The following EDA variants were observed in gnomAD, a reference collection of about 807,000 sequenced individuals.
EDA encodes the protein ectodysplasin A, also known as ectodysplasin-A.
EDA carries 2 observed loss-of-function variants against 23.6 expected under a neutral mutation model. The ratio of observed to expected loss-of-function variants is 0.08; its 90% CI spans 0.03 to 0.27. EDA has a LOEUF of 0.27. Ranked by LOEUF, EDA falls within the 10% of genes least tolerant of loss-of-function variation. The pLI is 1.00. For missense variants in EDA, 229 were observed against 324.2 expected, an observed-to-expected ratio of 0.71 and a Z score of 2.26; for synonymous variants, 131 against 132.0, an observed-to-expected ratio of 0.99 and a Z score of 0.05.
chrX:69,914,807 G>C (rs1410944657), intron 1 of EDA, among the ~76,000 whole-genome samples: 1 of 111,736 alleles, frequency 8.9e-6, no homozygotes, highest in East Asian at 2.8e-4. Context: ...TGATTCTTTT[G>C]TCTCTCCTCA....
chrX:69,803,865 A>G (rs182861604), intron 1 of EDA, among the ~76,000 whole-genome samples: 2 of 109,171 alleles, frequency 1.8e-5, no homozygotes, highest in East Asian at 5.9e-4. Flanking sequence ...TTCCACTTTT[A>G]TGAGATCAAC....
intron 1 of EDA, among the ~76,000 whole-genome samples, chrX:69,913,063 C>T (rs760339125): frequency 4.5e-5 from 5 of 111,774 alleles, no homozygotes; most frequent in Admixed American, 1.9e-4. Flanking sequence ...CCACCACACC[C>T]GGTGAAGATT....
intron 1 of EDA, among the ~76,000 whole-genome samples, chrX:69,899,634 A>G (rs1321904022): frequency 3.6e-5 from 4 of 110,817 alleles, no homozygotes; most frequent in Non-Finnish European, 7.6e-5. Flanking sequence ...TAATTTCTTA[A>G]CTGTTCCTAC....
In EDA at chrX:70,016,267, C is replaced by T. The variant is rs1471117835; in HGVS notation, c.503-6951C>T. Among the ~76,000 whole-genome samples the T allele has an allele frequency of 7.2e-5, 8 of 110,615 alleles. No individual in the cohort carries two copies. The South Asian group carries it at 1.2e-3, about 16-fold the overall frequency. ...AGACCTACAGAGAGACTTAGATAAC[C>T]GTACAGTAATAGTGGGAGACTTCAA... On this transcript the variant is annotated intron_variant, in intron 2 of 7. Coordinates refer to ENST00000374552, the MANE Select transcript of EDA (RefSeq NM_001399.5).
chrX:69,644,381 A>G (rs1323973855), intron 1 of EDA, among the ~76,000 whole-genome samples: 1 of 110,905 alleles, frequency 9.0e-6, no homozygotes, highest in Non-Finnish European at 1.9e-5. Context: ...GTGAATGGGA[A>G]TTAATTCATG....
rs1300127145 is a variant in EDA at position 69,822,956 on chromosome X, T to C, written c.397-134071T>C. ...GTGAGAATATGCGGTGTTTTGTTTT[T>C]TGTTCTTGTGATAGTTTACTGAGAA... On this transcript the variant is annotated intron_variant, in intron 1 of 7. Transcript: ENST00000374552. 7.1e-5 allele frequency among the ~76,000 whole-genome samples: 7 copies of C among 98,298 alleles called. No individual in the cohort carries two copies. In the Admixed American group the frequency reaches 7.9e-4, roughly 11 times the overall value. The allele number at this position is 98,298 out of a possible 115,157, so 85.4% of individuals were successfully genotyped here. A position where few individuals can be genotyped will look rare whatever the true frequency, so the allele number is the denominator to read the frequency against.
chrX:69,626,228 G>A (rs1227129708), intron 1 of EDA, among the ~76,000 whole-genome samples: 1 of 111,637 alleles, frequency 9.0e-6, no homozygotes, highest in East Asian at 2.8e-4. Flanking sequence ...TGATTCAGCT[G>A]TTTTGTAAAA....
At chrX:70,020,764 A>C (rs182950483) in intron 2 of EDA, among the ~76,000 whole-genome samples, 140 of 111,981 alleles carry the variant, frequency 1.3e-3, no homozygotes, top group African/African-American at 4.3e-3. Context: ...TGATGCATCC[A>C]TATTAAAAAT....
intron 1 of EDA, among the ~76,000 whole-genome samples, chrX:69,777,868 A>T (rs982174021): frequency 8.9e-6 from 1 of 112,350 alleles, no homozygotes; most frequent in African/African-American, 3.2e-5. Context: ...CTAAAAATGC[A>T]TGTGGATGTT....
At chrX:69,849,198 C>G (rs1275010837) in intron 1 of EDA, among the ~76,000 whole-genome samples, 1 of 109,365 alleles carries the variant, frequency 9.1e-6, no homozygotes, top group Non-Finnish European at 1.9e-5. Flanking sequence ...ACAATTGTCT[C>G]TAATCATTTT....
chrX:69,787,544 C>T (rs1489433464), intron 1 of EDA, among the ~76,000 whole-genome samples: 2 of 102,973 alleles, frequency 1.9e-5, no homozygotes, highest in African/African-American at 7.0e-5. Flanking sequence ...TTCTCCTTCA[C>T]TTATGAAGCT....
chrX:69,640,275 A>G (rs755619924), intron 1 of EDA, among the ~76,000 whole-genome samples: 1 of 111,946 alleles, frequency 8.9e-6, no homozygotes, highest in Admixed American at 9.6e-5. Context: ...ATTACAAATA[A>G]TAATATTTGT....
At chrX:69,667,115 TTTTC>T (rs1176691683) in intron 1 of EDA, among the ~76,000 whole-genome samples, 197 of 54,228 alleles carry the variant, frequency 3.6e-3, no homozygotes, top group African/African-American at 0.024. Context: ...TTCTTTTTCT[TTTTC>T]TTTTTTTTTT....
intron 1 of EDA, among the ~76,000 whole-genome samples, chrX:69,660,250 T>C (rs967708660): frequency 2.7e-5 from 3 of 111,610 alleles, no homozygotes; most frequent in Non-Finnish European, 5.6e-5. Flanking sequence ...GACAGTTTTT[T>C]TGACAGCCAT....
intron 1 of EDA, among the ~76,000 whole-genome samples, chrX:69,657,093 T>A (rs184349235): frequency 8.9e-6 from 1 of 112,299 alleles, no homozygotes; most frequent in African/African-American, 3.2e-5. Flanking sequence ...TCACAGGGGC[T>A]GAACTAATTT....
chrX:69,758,790 C>T (rs1301947213), intron 1 of EDA, among the ~76,000 whole-genome samples: 1 of 111,177 alleles, frequency 9.0e-6, no homozygotes, highest in Non-Finnish European at 1.9e-5. Context: ...GAGCCGAGAT[C>T]GCACCAGTGC....
chrX:69,944,763 C>T (rs2018810448), intron 1 of EDA, among the ~76,000 whole-genome samples: 1 of 111,754 alleles, frequency 8.9e-6, no homozygotes, highest in African/African-American at 3.3e-5. Flanking sequence ...AATTGCTGTC[C>T]TTGTGGCCTA....
rs777111797 is a variant in EDA at position 69,810,576 on chromosome X, G to A, written c.397-146451G>A. 2.8e-5 allele frequency among the ~76,000 whole-genome samples: 3 copies of A among 108,433 alleles called. No homozygotes were observed. In the South Asian group the frequency reaches 1.2e-3, roughly 44 times the overall value. The allele number at this position is 108,433 out of a possible 115,157, so 94.2% of individuals were successfully genotyped here. A position where few individuals can be genotyped will look rare whatever the true frequency, so the allele number is the denominator to read the frequency against. On this transcript the variant is annotated intron_variant, in intron 1 of 7. Coordinates refer to ENST00000374552, the MANE Select transcript of EDA (RefSeq NM_001399.5). Reference sequence around the variant, plus strand: ...GTTTGAGACCAGCCTGGCCAACATGGTGAAACCGCATTCTACTAAAAATAC... The same window carrying A: ...GTTTGAGACCAGCCTGGCCAACATGATGAAACCGCATTCTACTAAAAATAC...
At chrX:69,626,521 T>C (rs745662493) in intron 1 of EDA, among the ~76,000 whole-genome samples, 2 of 112,163 alleles carry the variant, frequency 1.8e-5, no homozygotes, top group Admixed American at 9.5e-5. Context: ...AAATATATTA[T>C]GCTAAGTGAA....
Sources: gnomAD v4.1 joint callset for allele counts (sites outside exome capture counted in the v4.1 genomes callset) on GRCh38, gnomAD v4.1.1 for gene constraint, MANE v1.5 for transcripts, NCBI Gene and HGNC (gene_info 2026-07-23, HGNC 2026-07-21) for gene names.